Variants in SMARCAD1 observed in about 807,000 individuals in gnomAD.
SMARCAD1 encodes the protein SWI/SNF-related matrix-associated actin-dependent regulator of chromatin subfamily A containing DEAD/H box 1.
SMARCAD1 carries 25 observed loss-of-function variants against 127.1 expected under a neutral mutation model. The observed-to-expected ratio is 0.20, with a 90% CI of 0.14 to 0.27. The LOEUF is 0.27. SMARCAD1 is among the 10% of genes least tolerant of loss of function. The pLI, the probability that SMARCAD1 is intolerant of heterozygous loss-of-function variation, is 1.00. For missense variants in SMARCAD1, 807 were observed against 1,206.0 expected, an observed-to-expected ratio of 0.67 and a Z score of 4.90; for synonymous variants, 400 against 396.9, an observed-to-expected ratio of 1.01 and a Z score of -0.09.
chr4:94,239,525 T>C (rs1186717078), intron 5 of SMARCAD1, among the ~76,000 whole-genome samples: 1 of 151,954 alleles, frequency 6.6e-6, no homozygotes, highest in Non-Finnish European at 1.5e-5. Flanking sequence ...TACGAATTTA[T>C]TGATGTTGTC....
Position 94,226,175 on chromosome 4 carries a change from T to G in SMARCAD1, c.247T>G (p.Phe83Val). 1 of 1,612,304 alleles carries G rather than the reference T, an allele frequency of 6.2e-7. No homozygotes were observed. Among genetic ancestry groups the G allele is most frequent in the Non-Finnish European group, 8.5e-7 (1 of 1,178,564 alleles). Residue 83 changes from phenylalanine (F) to valine (V), a missense_variant, in exon 3 of 24, where the codon TTC becomes GTC. Physicochemically the swap from Phe to Val is conservative, Grantham distance 50. Transcript: ENST00000354268. ...DNERKASISY[F>V]KNQRGIQYID... The stretch of plus-strand genomic sequence containing the variant: ...TGAAAGAAAAGCAAGTATATCATAT[T>G]TCAAAAATCAAAGAGGAATACAGTA...
intron 9 of SMARCAD1, among the ~76,000 whole-genome samples, chr4:94,256,412 G>T (rs570766353): frequency 5.9e-5 from 9 of 152,070 alleles, no homozygotes; most frequent in Admixed American, 2.0e-4. Flanking sequence ...ACTTAGGCTG[G>T]AGTGCAATGG....
chr4:94,289,476 A>T lies in SMARCAD1; in HGVS notation c.3023A>T (p.Asp1008Val), dbSNP rs1282802642. 1.9e-6 allele frequency: 3 copies of T among 1,612,564 alleles called. No individual in the cohort carries two copies. The highest frequency in any genetic ancestry group is 1.6e-4 in the Middle Eastern group (1 of 6,074). The change falls in exon 24 of 24, where the codon GAT becomes GTT. Residue 1008 changes from aspartate (D) to valine (V), a missense_variant. Physicochemically the swap from Asp to Val is radical, Grantham distance 152. Coordinates refer to ENST00000354268, the MANE Select transcript of SMARCAD1 (RefSeq NM_020159.5). Reference sequence around the variant, plus strand: ...AATGCTACTTTCTGACCTACAGGTGATGAAGGGAGTATGCCAGCAGATATA... The same window carrying T: ...AATGCTACTTTCTGACCTACAGGTGTTGAAGGGAGTATGCCAGCAGATATA... ...EQDMTTVDEG[D>V]EGSMPADIAT...
At chr4:94,213,884 T>C (rs1385813242) in intron 2 of SMARCAD1, among the ~76,000 whole-genome samples, 1 of 152,170 alleles carries the variant, frequency 6.6e-6, no homozygotes, top group South Asian at 2.1e-4. Flanking sequence ...GTCTAAACCC[T>C]AGAACTTGGG....
At chr4:94,280,305 C>T (rs1364628768) in intron 19 of SMARCAD1, among the ~76,000 whole-genome samples, 1 of 151,964 alleles carries the variant, frequency 6.6e-6, no homozygotes, top group Non-Finnish European at 1.5e-5. Flanking sequence ...ATAACACCAC[C>T]CTTGTTTCAT....
intron 3 of SMARCAD1, among the ~76,000 whole-genome samples, chr4:94,233,373 CAT>C (rs930190219): frequency 3.4e-4 from 51 of 152,210 alleles, no homozygotes; most frequent in Admixed American, 2.9e-3. Flanking sequence ...AAAGGATAAA[CAT>C]ATGAAGTTAA....
chr4:94,254,639 C>G (rs1483304188), intron 9 of SMARCAD1, among the ~76,000 whole-genome samples: 1 of 152,078 alleles, frequency 6.6e-6, no homozygotes, highest in Non-Finnish European at 1.5e-5. Context: ...TTGCCCCTTT[C>G]TAAAAGTTGA....
intron 23 of SMARCAD1, 57 bp downstream of exon 23, chr4:94,285,126 T>C: frequency 3.5e-6 from 4 of 1,145,246 alleles, no homozygotes; most frequent in African/African-American, 1.5e-5. Context: ...TGCATCTAAT[T>C]AGTCAGTGCA....
intron 9 of SMARCAD1, chr4:94,253,356 T>G: frequency 7.7e-7 from 1 of 1,301,688 alleles, no homozygotes; most frequent in Non-Finnish European, 1.0e-6. Context: ...CTGTTACTGC[T>G]GAGACACCAT....
intron 9 of SMARCAD1, among the ~76,000 whole-genome samples, chr4:94,256,239 G>A (rs1395279864): frequency 6.6e-6 from 1 of 152,066 alleles, no homozygotes; most frequent in African/African-American, 2.4e-5. Context: ...TTAACATTTA[G>A]ATCAGTGTAG....
Position 94,280,688 on chromosome 4 carries a change from C to T in SMARCAD1, c.2515C>T (p.His839Tyr). ...ACATGTACTTTGTAAACAGTACCGACACATTAATAACTTTCAGTTAGACAT... is the reference window on the plus strand; with the variant it reads ...ACATGTACTTTGTAAACAGTACCGATACATTAATAACTTTCAGTTAGACAT... Reference protein sequence around the residue: ...ELHVLCKQYRHINNFQLDMDL... With the variant: ...ELHVLCKQYRYINNFQLDMDL... The change falls in exon 20 of 24, where the codon CAC (histidine) becomes TAC (tyrosine). Residue 839 changes from histidine to tyrosine, a missense_variant. Physicochemically the swap from His to Tyr is moderately conservative, Grantham distance 83 (BLOSUM62 2). Around this residue, in one of 8 missense-constraint regions of SMARCAD1, gnomAD observed 99 missense variants for 126.0 expected, o/e 0.79. Coordinates refer to ENST00000354268, the MANE Select transcript of SMARCAD1 (RefSeq NM_020159.5). 1 of 1,613,592 alleles carries T rather than the reference C, an allele frequency of 6.2e-7. No individual in the cohort carries two copies.
At chr4:94,259,845 A>G (rs886076129) in intron 9 of SMARCAD1, among the ~76,000 whole-genome samples, 8 of 152,232 alleles carry the variant, frequency 5.3e-5, no homozygotes, top group South Asian at 2.1e-4. Context: ...ACATTCTTAT[A>G]TCTAATAAAA....
intron 22 of SMARCAD1, among the ~76,000 whole-genome samples, chr4:94,283,564 G>A (rs1313042588): frequency 6.6e-6 from 1 of 152,082 alleles, no homozygotes; most frequent in Non-Finnish European, 1.5e-5. Context: ...CGTGGCTCAC[G>A]CCTGTAATCC....
At position 94,288,165 on chromosome 4, in the gene SMARCAD1, A is replaced by C. The variant is rs539428397; in HGVS notation, c.3020-1308A>C. Among the ~76,000 whole-genome samples, 21 of 152,268 alleles carry C rather than the reference A, an allele frequency of 1.4e-4. No homozygotes were observed. In the East Asian group the frequency reaches 3.7e-3, roughly 27 times the overall value. ...TTTCAATATCACAGCATATTCCTCA[A>C]AGTTGGTACAATACCATTGTAGCAT... On this transcript the variant is annotated intron_variant, in intron 23 of 23. Transcript: ENST00000354268.
At chr4:94,256,291 G>T (rs971877047) in intron 9 of SMARCAD1, among the ~76,000 whole-genome samples, 1 of 152,008 alleles carries the variant, frequency 6.6e-6, no homozygotes, top group South Asian at 2.1e-4. Flanking sequence ...CTCAGGTTTA[G>T]TCCATGTCAC....
At chr4:94,223,802 C>T (rs866349326) in intron 2 of SMARCAD1, among the ~76,000 whole-genome samples, 6 of 145,072 alleles carry the variant, frequency 4.1e-5, no homozygotes, top group Non-Finnish European at 6.0e-5. Flanking sequence ...GGGCTGATGT[C>T]GAACTCCTGA....
rs759345298 is a variant in SMARCAD1, at chr4:94,276,490, TA to T, written c.1944+19del. 3 of 1,613,792 alleles carry T rather than the reference TA, an allele frequency of 1.9e-6. No homozygotes were observed. The highest frequency in any genetic ancestry group is 1.7e-6 in the Non-Finnish European group (2 of 1,179,874). On this transcript the variant is annotated intron_variant, in intron 15 of 23. Transcript: ENST00000354268. ...GACAATTAATGTAAGAGAATGTTTG[TA>T]AAGTTTTCCAAATTACTGTAAAATT...
chr4:94,218,218 C>A (rs1743510975), intron 2 of SMARCAD1, among the ~76,000 whole-genome samples: 1 of 151,980 alleles, frequency 6.6e-6, no homozygotes, highest in Non-Finnish European at 1.5e-5. Context: ...AGGTTTAACG[C>A]TTTTGCCTTG....
At chr4:94,220,246 T>TTTA (rs904220487) in intron 2 of SMARCAD1, among the ~76,000 whole-genome samples, 1 of 152,144 alleles carries the variant, frequency 6.6e-6, no homozygotes, top group Non-Finnish European at 1.5e-5. Context: ...ACTGATTTTA[T>TTTA]TTATTATTAT....
Sources: gnomAD v4.1 joint callset for allele counts (sites outside exome capture counted in the v4.1 genomes callset) on GRCh38, gnomAD v4.1.1 for gene constraint, gnomAD v4.1.1 regional missense constraint, MANE v1.5 for transcripts, NCBI Gene and HGNC (gene_info 2026-07-23, HGNC 2026-07-21) for gene names.